Variants in PIK3C2G observed in about 807,000 individuals in gnomAD.
The protein encoded by PIK3C2G is phosphatidylinositol-4-phosphate 3-kinase catalytic subunit type 2 gamma.
Under a neutral mutation model 181.1 loss-of-function variants are expected in PIK3C2G, and 168 were observed. That is an observed-to-expected ratio of 0.93 (90% CI 0.82 to 1.05). The LOEUF is 1.05. Among genes scored for constraint, PIK3C2G ranks in the 50% least tolerant of loss-of-function variants. PIK3C2G has a pLI of 0.00. For missense variants in PIK3C2G, 1,869 were observed against 1,732.8 expected (o/e 1.08, Z -1.40); for synonymous variants, 573 against 592.2 (o/e 0.97, Z 0.47).
At chr12:18,416,252 AAAAG>A (rs1456283565) in intron 16 of PIK3C2G, among the ~76,000 whole-genome samples, 2 of 120,042 alleles carry the variant, frequency 1.7e-5, no homozygotes, top group African/African-American at 6.4e-5. Context: ...CTCAAAAAGA[AAAAG>A]AAAAGAAAAG....
chr12:18,717,392 A>G, the PIK3C2G span, among the ~76,000 whole-genome samples: 3 of 152,194 alleles, frequency 2.0e-5, no homozygotes, highest in African/African-American at 7.2e-5. Flanking sequence ...AGCAATATTT[A>G]CTTGTATGTT....
intron 13 of PIK3C2G, among the ~76,000 whole-genome samples, chr12:18,373,093 TA>T (rs992901594): frequency 2.0e-5 from 3 of 152,190 alleles, no homozygotes; most frequent in Non-Finnish European, 4.4e-5. Flanking sequence ...GAAATAAAGA[TA>T]TTTTTAAGAA....
the PIK3C2G span, among the ~76,000 whole-genome samples, chr12:18,653,657 G>A: frequency 6.6e-6 from 1 of 151,962 alleles, no homozygotes; most frequent in South Asian, 2.1e-4. Flanking sequence ...GAATTCAAGT[G>A]GTATGTTTAT....
chr12:18,703,080 G>C, the PIK3C2G span, among the ~76,000 whole-genome samples: 5 of 152,192 alleles, frequency 3.3e-5, no homozygotes, highest in South Asian at 8.3e-4. Context: ...ATATATAATA[G>C]GAAGCGGGAT....
At chr12:18,543,258 T>A (rs1483268589) in intron 25 of PIK3C2G, among the ~76,000 whole-genome samples, 2 of 152,026 alleles carry the variant, frequency 1.3e-5, no homozygotes, top group African/African-American at 4.8e-5. Context: ...CCTTGTAAAT[T>A]TGTTTAAGTT....
chr12:18,282,268 T>G lies in PIK3C2G; in HGVS notation c.187T>G (p.Phe63Val). 1 of 1,613,276 alleles carries G rather than the reference T, an allele frequency of 6.2e-7. No homozygotes were observed. Residue 63 changes from phenylalanine (F) to valine (V), a missense_variant, in exon 2 of 33, where the codon TTT becomes GTT. By Grantham distance (50) the Phe-to-Val change is conservative. Transcript: ENST00000538779. ...HYESEIDENT[F>V]FVPTAPKWDS... ...CGAGAGTGAAATTGATGAAAACACC[T>G]TTTTTGTGCCCACTGCACCAAAATG...
chr12:18,425,382 A>ATTTTTTT (rs1448480782), intron 18 of PIK3C2G, among the ~76,000 whole-genome samples: 3 of 95,932 alleles, frequency 3.1e-5, no homozygotes, highest in Non-Finnish European at 6.3e-5. Context: ...AAGGACAGAC[A>ATTTTTTT]TTTCTTTTTT....
intron 18 of PIK3C2G, among the ~76,000 whole-genome samples, chr12:18,478,244 T>A (rs889507843): frequency 2.6e-5 from 4 of 152,152 alleles, no homozygotes; most frequent in Non-Finnish European, 4.4e-5. Context: ...GATTCCAGCA[T>A]TAATTATATA....
At chr12:18,645,444 T>C (rs1429820261) in intron 32 of PIK3C2G, among the ~76,000 whole-genome samples, 2 of 152,134 alleles carry the variant, frequency 1.3e-5, no homozygotes, top group Non-Finnish European at 1.5e-5. Flanking sequence ...ATATATGAAG[T>C]AATAAAAACT....
chr12:18,263,023 C>T (rs1948316209), intron 1 of PIK3C2G, among the ~76,000 whole-genome samples: 1 of 152,066 alleles, frequency 6.6e-6, no homozygotes, highest in Non-Finnish European at 1.5e-5. Flanking sequence ...CCTTTTATGA[C>T]AAAACTCTTG....
Position 18,282,370 on chromosome 12 carries a change from T to C in PIK3C2G, c.289T>C (p.Ser97Pro), listed in dbSNP as rs1949256831. The change falls in exon 2 of 33, where the codon TCC (serine) becomes CCC (proline). Residue 97 changes from serine to proline, a missense_variant. By Grantham distance (74) the Ser-to-Pro change is moderately conservative (BLOSUM62 -1). Coordinates refer to ENST00000538779, the MANE Select transcript of PIK3C2G (RefSeq NM_001288772.2). Reference sequence around the variant, plus strand: ...ATTCACTTCTAAAAGCCGTGAACTCTCCTGGCATCAAGTTAGCAAAGCACC... The same window carrying C: ...ATTCACTTCTAAAAGCCGTGAACTCCCCTGGCATCAAGTTAGCAAAGCACC... Reference protein sequence around the residue: ...NEFTSKSRELSWHQVSKAPAI... With the variant: ...NEFTSKSRELPWHQVSKAPAI... 1 of 1,613,666 alleles carries C rather than the reference T, an allele frequency of 6.2e-7. No individual in the cohort carries two copies. The highest frequency in any genetic ancestry group is 8.5e-7 in the Non-Finnish European group (1 of 1,179,666).
At chr12:18,674,648 A>C in the PIK3C2G span, among the ~76,000 whole-genome samples, 5 of 152,208 alleles carry the variant, frequency 3.3e-5, no homozygotes, top group Non-Finnish European at 7.3e-5. Flanking sequence ...AAACATGGTC[A>C]CAAATTTTTT....
the PIK3C2G span, chr12:18,693,470 A>G: frequency 6.2e-7 from 1 of 1,607,356 alleles, no homozygotes; most frequent in Non-Finnish European, 8.5e-7. Flanking sequence ...TGGCACAGGT[A>G]AAACCTTGTT....
the PIK3C2G span, among the ~76,000 whole-genome samples, chr12:18,714,465 T>C: frequency 6.6e-6 from 1 of 152,116 alleles, no homozygotes; most frequent in African/African-American, 2.4e-5. Flanking sequence ...TGTAGAGATG[T>C]AAGAAGAGAA....
At chr12:18,548,528 A>T (rs1430332119) in intron 26 of PIK3C2G, among the ~76,000 whole-genome samples, 1 of 151,972 alleles carries the variant, frequency 6.6e-6, no homozygotes, top group African/African-American at 2.4e-5. Flanking sequence ...ATAATCTTGG[A>T]TATCAGTGAT....
chr12:18,718,224 G>C, the PIK3C2G span, among the ~76,000 whole-genome samples: 2 of 152,128 alleles, frequency 1.3e-5, no homozygotes, highest in African/African-American at 4.8e-5. Context: ...AGAAGCATCT[G>C]TATCTCAAAT....
At chr12:18,346,043 T>G (rs1439401472) in intron 10 of PIK3C2G, among the ~76,000 whole-genome samples, 1 of 152,180 alleles carries the variant, frequency 6.6e-6, no homozygotes, top group Non-Finnish European at 1.5e-5. Context: ...GTAGACTCCT[T>G]TTAAATAACT....
chr12:18,505,878 C>A (rs1941797281), intron 24 of PIK3C2G, among the ~76,000 whole-genome samples: 1 of 152,192 alleles, frequency 6.6e-6, no homozygotes, highest in Admixed American at 6.5e-5. Flanking sequence ...ACTAGCCATA[C>A]ATCATTCCAC....
At chr12:18,662,572 T>A in the PIK3C2G span, among the ~76,000 whole-genome samples, 1 of 152,148 alleles carries the variant, frequency 6.6e-6, no homozygotes, top group African/African-American at 2.4e-5. Context: ...TAAAAATTTG[T>A]ATTATTGTAA....
Sources: allele counts gnomAD v4.1 joint callset (sites outside exome capture counted in the v4.1 genomes callset), GRCh38; gene constraint gnomAD v4.1.1; transcripts MANE v1.5; gene names NCBI Gene and HGNC (gene_info 2026-07-23, HGNC 2026-07-21).